Variants in HESX1 observed in about 807,000 individuals in gnomAD.
The protein encoded by HESX1 is homeobox expressed in ES cells 1.
In HESX1, 11 loss-of-function variants were observed where a neutral mutation model predicts 22.5. The observed-to-expected ratio is 0.49, with a 90% CI of 0.31 to 0.81. The LOEUF (loss-of-function observed/expected upper bound fraction) is 0.81. Ranked by LOEUF, HESX1 falls within the 30% of genes least tolerant of loss-of-function variation. The pLI is 0.05. For synonymous variants in HESX1, 74 were observed against 76.5 expected (o/e 0.97, Z 0.17); for missense variants, 201 against 212.6 (o/e 0.95, Z 0.34).
upstream of HESX1, among the ~76,000 whole-genome samples, chr3:57,202,932 G>C (rs1176593754): frequency 1.3e-5 from 2 of 152,218 alleles, no homozygotes; most frequent in African/African-American, 4.8e-5. Context: ...AGGTCTTGCA[G>C]TTGAAAATCA....
intron 1 of HESX1, among the ~76,000 whole-genome samples, chr3:57,221,932 C>T (rs1036665852): frequency 3.3e-5 from 5 of 152,148 alleles, no homozygotes; most frequent in African/African-American, 1.2e-4. Flanking sequence ...ATACTACTTA[C>T]TATGTTTATT....
upstream of HESX1, chr3:57,226,573 AATTTT>A (rs1165832107): frequency 2.0e-5 from 3 of 152,234 alleles, no homozygotes; most frequent in African/African-American, 4.8e-5. Context: ...TTAAAAATAT[AATTTT>A]ATTTTTCTTT....
intron 1 of HESX1, among the ~76,000 whole-genome samples, chr3:57,222,632 C>T (rs2107586520): frequency 6.6e-6 from 1 of 152,250 alleles, no homozygotes; most frequent in Admixed American, 6.5e-5. Flanking sequence ...TCATGAAAAT[C>T]TTTTAACTTT....
chr3:57,213,916 G>A (rs935676164), intron 1 of HESX1, among the ~76,000 whole-genome samples: 2 of 152,090 alleles, frequency 1.3e-5, no homozygotes, highest in Non-Finnish European at 2.9e-5. Context: ...GTAAGACTCC[G>A]TCTCAAATAA....
intron 1 of HESX1, among the ~76,000 whole-genome samples, chr3:57,213,051 T>TAA (rs1415035479): frequency 2.0e-5 from 3 of 151,502 alleles, no homozygotes; most frequent in African/African-American, 7.3e-5. Context: ...TCCCATAGTG[T>TAA]GACACACACA....
rs184137076 is a variant in HESX1, at chr3:57,215,636, G to A, written c.-111+10660C>T. On this transcript the variant is annotated intron_variant, in intron 1 of 2. Transcript: ENST00000495160. ...ACAAAAATTAGCCAGGTGTGGTGGCGGGCGCCTATAATCCCAACTACTCAG... is the reference window on the plus strand; with the variant it reads ...ACAAAAATTAGCCAGGTGTGGTGGCAGGCGCCTATAATCCCAACTACTCAG... 1.5e-4 allele frequency among the ~76,000 whole-genome samples: 23 copies of A among 152,096 alleles called. 1 individual carries two copies. The East Asian group carries it at 4.4e-3, about 29-fold the overall frequency.
intron 1 of HESX1, 149 bp downstream of exon 1, chr3:57,199,613 C>CT: frequency 2.5e-6 from 1 of 392,554 alleles, no homozygotes; most frequent in Non-Finnish European, 3.9e-6. Flanking sequence ...GACCAACACT[C>CT]TGTCTCAGAA....
chr3:57,211,527 CAAA>C (rs61137408), intron 1 of HESX1, among the ~76,000 whole-genome samples: 47 of 31,972 alleles, frequency 1.5e-3, no homozygotes, highest in African/African-American at 7.0e-3. Context: ...GAGACCTTGT[CAAA>C]AAAAAAAAAA....
chr3:57,207,812 T>C (rs564224627), intron 1 of HESX1, among the ~76,000 whole-genome samples: 10 of 152,306 alleles, frequency 6.6e-5, no homozygotes, highest in African/African-American at 2.2e-4. Context: ...AAAATGCATA[T>C]AATTATTGAA....
At chr3:57,206,510 A>T (rs577214070) in intron 1 of HESX1, among the ~76,000 whole-genome samples, 2 of 152,336 alleles carry the variant, frequency 1.3e-5, no homozygotes, top group Admixed American at 1.3e-4. Context: ...CTTTAAATGC[A>T]TTGCTGAGAT....
chr3:57,209,574 T>G (rs533994401), intron 1 of HESX1, among the ~76,000 whole-genome samples: 2 of 149,056 alleles, frequency 1.3e-5, no homozygotes, highest in East Asian at 3.9e-4. Context: ...GAGGTGGAGG[T>G]TGCAGTGAGC....
chr3:57,219,215 A>G (rs951615672), intron 1 of HESX1, among the ~76,000 whole-genome samples: 2 of 152,124 alleles, frequency 1.3e-5, no homozygotes, highest in African/African-American at 4.8e-5. Context: ...TTAGTTTGCT[A>G]ATGATGATGG....
At chr3:57,202,165 C>T (rs140683908), upstream of HESX1, among the ~76,000 whole-genome samples, 1,197 of 152,110 alleles carry the variant, frequency 7.9e-3, 17 homozygotes, top group African/African-American at 0.027. Flanking sequence ...GTGATCCGCC[C>T]GCTTCGGCCT....
At chr3:57,212,083 T>A (rs927144160) in intron 1 of HESX1, among the ~76,000 whole-genome samples, 1 of 152,190 alleles carries the variant, frequency 6.6e-6, no homozygotes, top group Admixed American at 6.5e-5. Flanking sequence ...ATTTGGTTTA[T>A]AACAATTAAA....
intron 1 of HESX1, among the ~76,000 whole-genome samples, chr3:57,205,917 G>A (rs1025386982): frequency 3.9e-5 from 6 of 152,050 alleles, no homozygotes; most frequent in Non-Finnish European, 7.4e-5. Flanking sequence ...TGGGCTAGGC[G>A]CAGTGGCTCA....
upstream of HESX1, among the ~76,000 whole-genome samples, chr3:57,203,037 G>C (rs998833343): frequency 6.6e-6 from 1 of 152,160 alleles, no homozygotes; most frequent in East Asian, 1.9e-4. Flanking sequence ...ATAATGGATG[G>C]CCTTTATAAA....
chr3:57,207,654 G>A (rs1023292923), intron 1 of HESX1, among the ~76,000 whole-genome samples: 1 of 151,998 alleles, frequency 6.6e-6, no homozygotes, highest in African/African-American at 2.4e-5. Flanking sequence ...TTCAGATATG[G>A]GAGTTAACAA....
Position 57,206,959 on chromosome 3 carries a change from A to AT in HESX1, c.-110-6932dup, listed in dbSNP as rs879408950. 2.7e-3 allele frequency among the ~76,000 whole-genome samples: 397 copies of AT among 147,582 alleles called. 5 individuals carry two copies. Among genetic ancestry groups the AT allele is most frequent in the East Asian group, 9.7e-3 (49 of 5,066 alleles). On this transcript the variant is annotated intron_variant, in intron 1 of 2. Coordinates refer to the HESX1 transcript ENST00000495160. ...TCTATCCTTCCTCAGTAGCAGTATA[A>AT]TTTTTTTTTTTTGAGTTTCAGTCTG...
chr3:57,225,881 C>CTTTTCT (rs2060639893), intron 1 of HESX1, among the ~76,000 whole-genome samples: 2 of 132,130 alleles, frequency 1.5e-5, no homozygotes, highest in Non-Finnish European at 3.2e-5. Context: ...CTTTTCTTTT[C>CTTTTCT]TTTTTTTTTT....
Sources: gnomAD v4.1 joint callset for allele counts (sites outside exome capture counted in the v4.1 genomes callset) on GRCh38, gnomAD v4.1.1 for gene constraint, MANE v1.5 for transcripts, NCBI Gene and HGNC (gene_info 2026-07-23, HGNC 2026-07-21) for gene names.